GPT2: variants seen among roughly 807,000 people sequenced by gnomAD.
GPT2 encodes the protein glutamic--pyruvic transaminase 2, also known as alanine aminotransferase 2.
Under a neutral mutation model 56.9 loss-of-function variants are expected in GPT2, and 30 were observed. The observed-to-expected ratio is 0.53, with a 90% confidence interval of 0.39 to 0.72. The LOEUF (loss-of-function observed/expected upper bound fraction) is 0.72, where lower values mean the gene tolerates loss of function less well. Among genes scored for constraint, GPT2 ranks in the 30% least tolerant of loss-of-function variants. GPT2 has a pLI of 0.00. For missense variants in GPT2, 542 were observed against 703.4 expected, an observed-to-expected ratio of 0.77 and a Z score of 2.60; for synonymous variants, 271 against 283.1, an observed-to-expected ratio of 0.96 and a Z score of 0.43.
intron 4 of GPT2, among the ~76,000 whole-genome samples, chr16:46,905,574 C>T (rs959377895): frequency 6.6e-6 from 1 of 152,228 alleles, no homozygotes; most frequent in Non-Finnish European, 1.5e-5. Flanking sequence ...ATCTGACCCC[C>T]AGCCCCCATG....
At chr16:46,897,851 C>A in intron 3 of GPT2, 114 bp downstream of exon 3, 2 of 807,568 alleles carry the variant, frequency 2.5e-6, no homozygotes, top group Non-Finnish European at 4.0e-6. Flanking sequence ...GCCTGATACC[C>A]TCTGGCTGTC....
At chr16:46,901,419 A>G (rs1960814770) in intron 4 of GPT2, among the ~76,000 whole-genome samples, 1 of 151,984 alleles carries the variant, frequency 6.6e-6, no homozygotes, top group African/African-American at 2.4e-5. Flanking sequence ...GCCCCTGTAG[A>G]TGTGAAGATG....
intron 2 of GPT2, among the ~76,000 whole-genome samples, chr16:46,896,758 C>T (rs150846566): frequency 6.6e-6 from 1 of 152,350 alleles, no homozygotes; most frequent in East Asian, 1.9e-4. Context: ...GGCAGCGGAG[C>T]AGCAGCTGTT....
intron 3 of GPT2, among the ~76,000 whole-genome samples, chr16:46,898,991 T>TAA (rs1555484806): frequency 1.0e-4 from 8 of 76,946 alleles, no homozygotes; most frequent in African/African-American, 2.2e-4. Flanking sequence ...TATATATATA[T>TAA]AACACACATA....
At chr16:46,928,754 G>A (rs979695299) in intron 11 of GPT2, among the ~76,000 whole-genome samples, 153 bp from the exon 12 acceptor site, 1 of 152,212 alleles carries the variant, frequency 6.6e-6, no homozygotes, top group Non-Finnish European at 1.5e-5. Context: ...GAAGGGGAAA[G>A]TGGTCCAAGT....
At chr16:46,912,441 G>T (rs561187943) in intron 6 of GPT2, among the ~76,000 whole-genome samples, 1 of 152,292 alleles carries the variant, frequency 6.6e-6, no homozygotes, top group East Asian at 1.9e-4. Context: ...TCCCAAGTTG[G>T]GTCACCTGCC....
chr16:46,884,469 C>T (rs1001664326), upstream of GPT2: 23 of 362,340 alleles, frequency 6.3e-5, no homozygotes, highest in Admixed American at 4.8e-5. Context: ...GGGCGACAGG[C>T]ACGTTGCATG....
At chr16:46,898,966 ACAC>A (rs1960751433) in intron 3 of GPT2, among the ~76,000 whole-genome samples, 1 of 11,898 alleles carries the variant, frequency 8.4e-5, no homozygotes. Context: ...GTATATATAT[ACAC>A]ACACACATAT....
At position 46,914,808 on chromosome 16, in the gene GPT2, C is replaced by T. The variant is rs563948589; in HGVS notation, c.821-1820C>T. ...TCTGGGGAGAAAGAAGCTAACTCTT[C>T]ACCCGGTGGCCACAGCCAATGCGAG... On this transcript the variant is annotated intron_variant, in intron 6 of 11. Coordinates refer to ENST00000340124, the MANE Select transcript of GPT2 (RefSeq NM_133443.4). Among the ~76,000 whole-genome samples the T allele has an allele frequency of 4.6e-5, 7 of 152,332 alleles. No homozygotes were observed. In the South Asian group the frequency reaches 1.2e-3, roughly 27 times the overall value.
chr16:46,904,180 G>T (rs1960876259), intron 4 of GPT2, among the ~76,000 whole-genome samples: 1 of 152,194 alleles, frequency 6.6e-6, no homozygotes, highest in South Asian at 2.1e-4. Context: ...AGAAGAAACG[G>T]GTAACAGCCC....
At chr16:46,892,738 T>G (rs1338167827) in intron 2 of GPT2, among the ~76,000 whole-genome samples, 1 of 152,242 alleles carries the variant, frequency 6.6e-6, no homozygotes, top group Non-Finnish European at 1.5e-5. Flanking sequence ...ACTCTTCACA[T>G]CCTTTGTTCA....
intron 10 of GPT2, 100 bp downstream of exon 10, chr16:46,924,644 G>A: frequency 7.8e-7 from 1 of 1,288,722 alleles, no homozygotes. Flanking sequence ...TGCTGGCCCT[G>A]GAGGCTCGGA....
chr16:46,927,075 C>G (rs1159915732), intron 11 of GPT2, 38 bp downstream of exon 11: 1 of 1,323,768 alleles, frequency 7.6e-7, no homozygotes, highest in African/African-American at 1.5e-5. Flanking sequence ...TGGTCCGGGT[C>G]TTGTCCAGGG....
intron 6 of GPT2, among the ~76,000 whole-genome samples, chr16:46,913,576 T>G (rs1227065774): frequency 1.3e-5 from 2 of 152,206 alleles, no homozygotes; most frequent in Non-Finnish European, 2.9e-5. Flanking sequence ...GTAAAGGAAT[T>G]GGTTCATTGC....
chr16:46,921,156 A>G (rs544077665), intron 8 of GPT2, among the ~76,000 whole-genome samples: 1 of 152,032 alleles, frequency 6.6e-6, no homozygotes, highest in Non-Finnish European at 1.5e-5. Context: ...TCCCAAAAGC[A>G]TGGTTTTTTT....
intron 2 of GPT2, among the ~76,000 whole-genome samples, chr16:46,896,278 C>A (rs1412421635): frequency 6.6e-6 from 1 of 152,144 alleles, no homozygotes; most frequent in Non-Finnish European, 1.5e-5. Flanking sequence ...CCCTGTAATT[C>A]TCTATGTCAA....
At chr16:46,893,951 C>T (rs1960636078) in intron 2 of GPT2, among the ~76,000 whole-genome samples, 1 of 152,170 alleles carries the variant, frequency 6.6e-6, no homozygotes, top group South Asian at 2.1e-4. Flanking sequence ...GAGTCTACCC[C>T]AGGGCTCTTG....
rs535018029 is a variant in GPT2 at position 46,927,196 on chromosome 16, G to C, written c.1481+159G>C. 3.3e-5 allele frequency among the ~76,000 whole-genome samples: 5 copies of C among 152,286 alleles called. No individual in the cohort carries two copies. In the South Asian group the frequency reaches 1.0e-3, roughly 32 times the overall value. On this transcript the variant is annotated intron_variant, in intron 11 of 11. Coordinates refer to ENST00000340124, the MANE Select transcript of GPT2 (RefSeq NM_133443.4). ...CTGTCCTGCTGCAGACCCAAGCTCA[G>C]ACCCTGCCCAGGGATTAAGAAAATC... is the stretch of plus-strand genomic sequence containing the variant.
intron 5 of GPT2, 127 bp downstream of exon 5, chr16:46,907,102 C>T: frequency 8.0e-7 from 1 of 1,242,846 alleles, no homozygotes; most frequent in Non-Finnish European, 1.1e-6. Context: ...CCCTCTGGTC[C>T]CCCAGCCCTG....
Sources: allele counts gnomAD v4.1 joint callset (sites outside exome capture counted in the v4.1 genomes callset), GRCh38; gene constraint gnomAD v4.1.1; transcripts MANE v1.5; gene names NCBI Gene and HGNC (gene_info 2026-07-23, HGNC 2026-07-21).